MFAP1: variants seen among roughly 807,000 people sequenced by gnomAD.
MFAP1 encodes microfibrillar-associated protein 1.
MFAP1 carries 18 observed loss-of-function variants against 62.2 expected under a neutral mutation model. The observed-to-expected ratio is 0.29, with a 90% CI of 0.20 to 0.43. MFAP1 has a LOEUF of 0.43. Among genes scored for constraint, MFAP1 ranks in the 20% least tolerant of loss-of-function variants. The pLI is 1.00. For missense variants in MFAP1, 355 were observed against 559.7 expected, an observed-to-expected ratio of 0.63 and a Z score of 3.69; for synonymous variants, 175 against 180.4, an observed-to-expected ratio of 0.97 and a Z score of 0.24.
Position 43,824,513 on chromosome 15 carries a change from G to A in MFAP1, c.57C>T (p.Ala19=), listed in dbSNP as rs1364280971. The A allele has an allele frequency of 2.5e-6, 4 of 1,614,020 alleles. No individual in the cohort carries two copies. Among genetic ancestry groups the A allele is most frequent in the Middle Eastern group, 1.6e-4 (1 of 6,084 alleles). ...TACCTTTCTCATTGCGAACTGGGAC[G>A]GCCCCAGCCGTAGACTGAATGGGCG... ...KQPPIQSTAG[A]VPVRNEKGEI... Residue 19 remains alanine, a synonymous_variant, in exon 1 of 9, where the codon GCC becomes GCT. Coordinates refer to ENST00000267812, the MANE Select transcript of MFAP1 (RefSeq NM_005926.3).
In MFAP1 at chr15:43,824,594, C is replaced by G. The variant is rs759153964; in HGVS notation, c.-25G>C. 8 of 1,613,204 alleles carry G rather than the reference C, an allele frequency of 5.0e-6. No homozygotes were observed. Among genetic ancestry groups the G allele is most frequent in the African/African-American group, 1.3e-5 (1 of 74,888 alleles). ...TGTTGATGGCAGCGACGGTGATTCC[C>G]GAAACTTGACTAATTCCAAACAGTG... On this transcript the variant is annotated 5_prime_UTR_variant, in exon 1 of 9. Transcript: ENST00000267812.
intron 7 of MFAP1, among the ~76,000 whole-genome samples, chr15:43,809,531 T>G (rs1055875456): frequency 1.3e-5 from 2 of 151,980 alleles, no homozygotes; most frequent in Non-Finnish European, 2.9e-5. Context: ...ATTTCCTATT[T>G]TTGAGAGTTG....
Position 43,823,353 on chromosome 15 carries a change from G to A in MFAP1, c.79+1138C>T, listed in dbSNP as rs538146496. 2.6e-5 allele frequency among the ~76,000 whole-genome samples: 4 copies of A among 151,964 alleles called. No homozygotes were observed. The East Asian group carries it at 7.8e-4, about 29-fold the overall frequency. On this transcript the variant is annotated intron_variant, in intron 1 of 8. Coordinates refer to ENST00000267812, the MANE Select transcript of MFAP1 (RefSeq NM_005926.3). Reference sequence around the variant, plus strand: ...ACAGGTACTAAATAAAGCTAGTATTGGCTAGAGAATGACAATTGCAGAACT... The same window carrying A: ...ACAGGTACTAAATAAAGCTAGTATTAGCTAGAGAATGACAATTGCAGAACT...
chr15:43,817,570 AG>A, intron 1 of MFAP1, 122 bp from the exon 2 acceptor site: 1 of 953,412 alleles, frequency 1.0e-6, no homozygotes, highest in Non-Finnish European at 1.6e-6. Flanking sequence ...GAAGAAGAAG[AG>A]AGCCACTACC....
At chr15:43,814,835 A>G (rs2087424174) in intron 3 of MFAP1, 110 bp downstream of exon 3, 1 of 1,510,328 alleles carries the variant, frequency 6.6e-7, no homozygotes, top group Admixed American at 1.9e-5. Context: ...GAACATGATC[A>G]GAGTCCTGCC....
chr15:43,824,595 G>C lies in MFAP1; in HGVS notation c.-26C>G, dbSNP rs766905166. ...GTTGATGGCAGCGACGGTGATTCCC[G>C]AAACTTGACTAATTCCAAACAGTGA... On this transcript the variant is annotated 5_prime_UTR_variant, in exon 1 of 9. Transcript: ENST00000267812. 1 of 1,613,298 alleles carries C rather than the reference G, an allele frequency of 6.2e-7. No homozygotes were observed. Among genetic ancestry groups the C allele is most frequent in the Non-Finnish European group, 8.5e-7 (1 of 1,179,260 alleles).
chr15:43,805,465 C>T lies in MFAP1; in HGVS notation c.1048G>A (p.Asp350Asn). ...KYYHRGAFFM[D>N]EDEEVYKRDF... ...CTCTTGTATACTTCTTCATCCTCATCCTGTATAAAAAAAATCTTATCAATC... is the reference window on the plus strand; with the variant it reads ...CTCTTGTATACTTCTTCATCCTCATTCTGTATAAAAAAAATCTTATCAATC... The change falls in exon 8 of 9, where the codon GAT (aspartate) becomes AAT (asparagine). Residue 350 changes from aspartate (D) to asparagine (N), a missense_variant and splice_region_variant. This residue lies in a region of MFAP1 where 24 missense variants were observed against 57.0 expected (regional missense o/e 0.42). Transcript: ENST00000267812. 1 of 1,598,760 alleles carries T rather than the reference C, an allele frequency of 6.3e-7. No homozygotes were observed. Among genetic ancestry groups the T allele is most frequent in the South Asian group, 1.1e-5 (1 of 87,628 alleles).
At chr15:43,805,355 T>G in intron 8 of MFAP1, 21 bp downstream of exon 8, 1 of 1,607,840 alleles carries the variant, frequency 6.2e-7, no homozygotes, top group East Asian at 2.2e-5. Flanking sequence ...TTCTCTGTCA[T>G]GTTATTAAGG....
At chr15:43,817,523 T>C (rs769272517) in intron 1 of MFAP1, 75 bp from the exon 2 acceptor site, 3 of 1,416,664 alleles carry the variant, frequency 2.1e-6, no homozygotes, top group Non-Finnish European at 3.0e-6. Context: ...CCTTTGCAAA[T>C]AGAGCCCTTT....
At position 43,814,487 on chromosome 15, in the gene MFAP1, T is replaced by C; in HGVS notation, c.617+14A>G. 1 of 1,598,158 alleles carries C rather than the reference T, an allele frequency of 6.3e-7. No homozygotes were observed. Among genetic ancestry groups the C allele is most frequent in the Non-Finnish European group, 8.5e-7 (1 of 1,170,822 alleles). On this transcript the variant is annotated intron_variant, in intron 4 of 8. Coordinates refer to ENST00000267812, the MANE Select transcript of MFAP1 (RefSeq NM_005926.3). ...TAATTAAGTGGATTCAGATCTGGCT[T>C]GTGAGATACTTACTTTCGAATGAAG...
chr15:43,814,425 C>T (rs2087421902), intron 4 of MFAP1, 76 bp downstream of exon 4: 3 of 1,484,064 alleles, frequency 2.0e-6, no homozygotes, highest in African/African-American at 2.8e-5. Context: ...AATAGCAAGA[C>T]AGAAAACAGA....
intron 1 of MFAP1, among the ~76,000 whole-genome samples, chr15:43,823,382 T>C (rs1163167254): frequency 7.0e-6 from 1 of 143,372 alleles, no homozygotes; most frequent in Non-Finnish European, 1.5e-5. Flanking sequence ...CAGAACTTTC[T>C]TTTTTTTTTT....
chr15:43,805,609 T>A (rs939261235), intron 7 of MFAP1, 144 bp from the exon 8 acceptor site: 56 of 644,292 alleles, frequency 8.7e-5, no homozygotes, highest in South Asian at 1.2e-4. Context: ...GTTGAAGAGA[T>A]GACATTCTTT....
intron 2 of MFAP1, 84 bp from the exon 3 acceptor site, chr15:43,815,158 TTA>T: frequency 1.3e-6 from 2 of 1,562,536 alleles, no homozygotes; most frequent in Non-Finnish European, 1.7e-6. Context: ...ACAGAGCACA[TTA>T]TGTTTGCCTT....
intron 7 of MFAP1, among the ~76,000 whole-genome samples, chr15:43,805,894 G>A (rs2087361707): frequency 6.6e-6 from 1 of 151,694 alleles, no homozygotes; most frequent in African/African-American, 2.4e-5. Context: ...TTACAGGTGT[G>A]AACCACTGCG....
chr15:43,824,346 T>C, intron 1 of MFAP1, 145 bp downstream of exon 1: 2 of 704,500 alleles, frequency 2.8e-6, no homozygotes, highest in Non-Finnish European at 4.8e-6. Context: ...CGGATGCAAG[T>C]GGGTGGGGGT....
intron 1 of MFAP1, among the ~76,000 whole-genome samples, chr15:43,819,750 C>T (rs1217162981): frequency 2.0e-5 from 3 of 152,132 alleles, no homozygotes; most frequent in Non-Finnish European, 4.4e-5. Context: ...CCAGGCTGGT[C>T]TTGAACTCCT....
Position 43,804,916 on chromosome 15 carries a change from A to C in MFAP1, c.*178T>G, listed in dbSNP as rs375332302. ...GACAGTGCTTTCCTGTGGGTTTCTC[A>C]GCATGAGTCCAAACCTCACAAAGCA... On this transcript the variant is annotated 3_prime_UTR_variant, in exon 9 of 9. Coordinates refer to ENST00000267812, the MANE Select transcript of MFAP1 (RefSeq NM_005926.3). 19 of 583,688 alleles carry C rather than the reference A, an allele frequency of 3.3e-5. No homozygotes were observed. The highest frequency in any genetic ancestry group is 2.2e-4 in the East Asian group (8 of 35,694). 36.2% of individuals were successfully genotyped at this position (583,688 alleles called of 1,614,324 possible).
chr15:43,811,766 C>A (rs1334550494), intron 6 of MFAP1, among the ~76,000 whole-genome samples: 2 of 151,972 alleles, frequency 1.3e-5, no homozygotes, highest in Non-Finnish European at 2.9e-5. Context: ...CCTCAGCCAC[C>A]CAAAGTGCTG....
Sources: gnomAD v4.1 joint callset for allele counts (sites outside exome capture counted in the v4.1 genomes callset) on GRCh38, gnomAD v4.1.1 for gene constraint, gnomAD v4.1.1 regional missense constraint, MANE v1.5 for transcripts, NCBI Gene and HGNC (gene_info 2026-07-23, HGNC 2026-07-21) for gene names.